ZMYM1: variants seen among roughly 807,000 people sequenced by gnomAD.
ZMYM1 encodes zinc finger MYM-type protein 1.
A neutral mutation model predicts 60.0 loss-of-function variants in ZMYM1; 39 were observed. That is an observed-to-expected ratio of 0.65 (90% CI 0.50 to 0.85). ZMYM1 has a LOEUF of 0.85. ZMYM1 is among the 40% of genes least tolerant of loss of function. The probability of loss-of-function intolerance (pLI) is 0.00; values close to 1 mark genes in which losing one functional copy is unlikely to be tolerated. For synonymous variants in ZMYM1, 413 were observed against 454.0 expected, an observed-to-expected ratio of 0.91 and a Z score of 1.15; for missense variants, 1,171 against 1,309.5, an observed-to-expected ratio of 0.89 and a Z score of 1.63.
intron 4 of ZMYM1, among the ~76,000 whole-genome samples, chr1:35,101,011 C>T (rs935007731): frequency 2.0e-5 from 3 of 151,976 alleles, no homozygotes. Flanking sequence ...CCATGTTGTC[C>T]AGACTGGTCT....
chr1:35,084,125 C>T (rs535510862), intron 1 of ZMYM1, among the ~76,000 whole-genome samples: 1 of 151,798 alleles, frequency 6.6e-6, no homozygotes, highest in Non-Finnish European at 1.5e-5. Context: ...TGATATTCAT[C>T]GATTGAATTC....
chr1:35,118,646 G>T (rs1570061609), downstream of ZMYM1, among the ~76,000 whole-genome samples: 2 of 152,064 alleles, frequency 1.3e-5, no homozygotes, highest in South Asian at 4.1e-4. Flanking sequence ...GGCGGAGCTT[G>T]CAGTGAGCCG....
chr1:35,106,062 C>G (rs868026226), intron 6 of ZMYM1, among the ~76,000 whole-genome samples: 1 of 152,038 alleles, frequency 6.6e-6, no homozygotes, highest in Non-Finnish European at 1.5e-5. Flanking sequence ...CAGAACCAGC[C>G]TGAGCAACAT....
At chr1:35,107,061 C>T (rs1425000853) in intron 6 of ZMYM1, among the ~76,000 whole-genome samples, 1 of 151,056 alleles carries the variant, frequency 6.6e-6, no homozygotes, top group Non-Finnish European at 1.5e-5. Context: ...CCGTGTTAGC[C>T]AGGATGGTCT....
chr1:35,098,701 G>A (rs1481173352), intron 4 of ZMYM1, among the ~76,000 whole-genome samples: 1 of 152,114 alleles, frequency 6.6e-6, no homozygotes, highest in African/African-American at 2.4e-5. Flanking sequence ...GAGCTCAGGA[G>A]TTTGAGACCA....
At chr1:35,069,574 A>C (rs1642033321) in intron 1 of ZMYM1, among the ~76,000 whole-genome samples, 1 of 152,148 alleles carries the variant, frequency 6.6e-6, no homozygotes, top group African/African-American at 2.4e-5. Context: ...GCTGCACAAA[A>C]ACTTTTTAGT....
At chr1:35,110,888 C>T (rs1186147005) in intron 7 of ZMYM1, among the ~76,000 whole-genome samples, 3 of 151,972 alleles carry the variant, frequency 2.0e-5, no homozygotes, top group South Asian at 2.1e-4. Context: ...GAGCCGAGAT[C>T]GCACCATTGC....
In ZMYM1 at chr1:35,115,492, T is replaced by C. The variant is rs996277159; in HGVS notation, c.*233T>C. 3.5e-6 allele frequency: 1 copy of C among 285,832 alleles called. No individual in the cohort carries two copies. Among genetic ancestry groups the C allele is most frequent in the African/African-American group, 2.2e-5 (1 of 45,814 alleles). The allele number at this position is 285,832 out of a possible 1,614,324, so 17.7% of individuals were successfully genotyped here. On this transcript the variant is annotated 3_prime_UTR_variant, in exon 10 of 10. Coordinates refer to ENST00000359858, the MANE Select transcript of ZMYM1 (RefSeq NM_024772.5). ...ATACTGTTCTTCAGCTTGTCTTCTC[T>C]GTGTAACATATTTTTGAGATTGTCC...
chr1:35,073,482 A>G (rs79509829), intron 1 of ZMYM1, among the ~76,000 whole-genome samples: 10,643 of 151,592 alleles, frequency 0.07, 714 homozygotes, highest in East Asian at 0.38. Context: ...CAGATTGCTC[A>G]AGTGAAGGAG....
chr1:35,104,782 A>ACCT lies in ZMYM1; in HGVS notation c.807+14_807+16dup. 6.3e-7 allele frequency: 1 copy of ACCT among 1,595,350 alleles called. No homozygotes were observed. On this transcript the variant is annotated intron_variant, in intron 6 of 9. Transcript: ENST00000359858. ...AGCATATAAGCAGGTATGAATAAAGACCTATTGTTTCTTCTATTAACTGGC... is the reference window on the plus strand; with the variant it reads ...AGCATATAAGCAGGTATGAATAAAGACCTCCTATTGTTTCTTCTATTAACTGGC...
At chr1:35,098,969 T>C (rs1643490117) in intron 4 of ZMYM1, among the ~76,000 whole-genome samples, 1 of 152,206 alleles carries the variant, frequency 6.6e-6, no homozygotes, top group South Asian at 2.1e-4. Flanking sequence ...GTGATTCCTA[T>C]ACATGCTAAA....
intron 7 of ZMYM1, among the ~76,000 whole-genome samples, chr1:35,111,403 G>A (rs1412467534): frequency 6.6e-6 from 1 of 152,196 alleles, no homozygotes; most frequent in East Asian, 1.9e-4. Flanking sequence ...TAAGGTTTAT[G>A]AATCCTGGAA....
chr1:35,096,461 A>C (rs1253921444), intron 3 of ZMYM1, among the ~76,000 whole-genome samples: 2 of 151,952 alleles, frequency 1.3e-5, no homozygotes, highest in Admixed American at 6.5e-5. Context: ...TCCTGTCTCT[A>C]CAGAAAATTT....
chr1:35,117,083 G>A (rs1344254764), downstream of ZMYM1, among the ~76,000 whole-genome samples: 3 of 149,660 alleles, frequency 2.0e-5, no homozygotes, highest in Non-Finnish European at 4.4e-5. Flanking sequence ...CGCCCGCCTC[G>A]GCCTCCCAAA....
intron 1 of ZMYM1, among the ~76,000 whole-genome samples, chr1:35,092,544 A>C (rs778440700): frequency 4.0e-5 from 6 of 150,000 alleles, no homozygotes; most frequent in Non-Finnish European, 5.9e-5. Flanking sequence ...CCCGGCCAAC[A>C]GGTCTTTTCT....
chr1:35,079,227 C>T (rs1642235611), upstream of ZMYM1: 1 of 152,248 alleles, frequency 6.6e-6, no homozygotes, highest in Non-Finnish European at 1.5e-5. Flanking sequence ...AGGGTAAGAT[C>T]CTATGCGGGC....
intron 1 of ZMYM1, among the ~76,000 whole-genome samples, chr1:35,089,906 C>CTTT (rs750848210): frequency 7.9e-6 from 1 of 126,672 alleles, no homozygotes; most frequent in African/African-American, 3.0e-5. Flanking sequence ...ATATAAGGCT[C>CTTT]TTTTTTTTTT....
intron 1 of ZMYM1, among the ~76,000 whole-genome samples, chr1:35,080,983 T>G (rs1642357605): frequency 6.6e-6 from 1 of 151,918 alleles, no homozygotes; most frequent in African/African-American, 2.4e-5. Flanking sequence ...CACTCTTGTC[T>G]CCCAGACTGG....
At position 35,091,326 on chromosome 1, in the gene ZMYM1, C is replaced by T. The variant is rs1345642134; in HGVS notation, c.-74-2588C>T. On this transcript the variant is annotated intron_variant, in intron 1 of 9. Coordinates refer to ENST00000359858, the MANE Select transcript of ZMYM1 (RefSeq NM_024772.5). ...CTCCCGGGTTCACACCATTCTCCTG[C>T]CTCAGCCTCCCAGTAGCTGGGTCTA... 2.0e-5 allele frequency among the ~76,000 whole-genome samples: 3 copies of T among 152,066 alleles called. No homozygotes were observed. In the South Asian group the frequency reaches 6.2e-4, roughly 31 times the overall value.
Sources: allele counts gnomAD v4.1 joint callset (sites outside exome capture counted in the v4.1 genomes callset), GRCh38; gene constraint gnomAD v4.1.1; transcripts MANE v1.5; gene names NCBI Gene and HGNC (gene_info 2026-07-23, HGNC 2026-07-21).